ANKRD55: variants seen among roughly 807,000 people sequenced by gnomAD.
ANKRD55 encodes the protein ankyrin repeat domain 55, also known as ankyrin repeat domain-containing protein 55.
Under a neutral mutation model 60.6 loss-of-function variants are expected in ANKRD55, and 41 were observed. That is an observed-to-expected ratio of 0.68 (90% CI 0.53 to 0.88). The LOEUF (loss-of-function observed/expected upper bound fraction) is 0.88, where lower values mean the gene tolerates loss of function less well. Ranked by LOEUF, ANKRD55 falls within the 40% of genes least tolerant of loss-of-function variation. ANKRD55 has a pLI of 0.00. For missense variants in ANKRD55, 732 were observed against 767.6 expected, an observed-to-expected ratio of 0.95 and a Z score of 0.55; for synonymous variants, 264 against 290.3, an observed-to-expected ratio of 0.91 and a Z score of 0.92.
At chr5:56,176,888 C>A (rs1278328307) in intron 3 of ANKRD55, among the ~76,000 whole-genome samples, 1 of 152,162 alleles carries the variant, frequency 6.6e-6, no homozygotes, top group Non-Finnish European at 1.5e-5. Flanking sequence ...AACAAGCCAG[C>A]CTCATGAAGC....
chr5:56,147,855 T>C (rs1757937313), intron 6 of ANKRD55, among the ~76,000 whole-genome samples: 1 of 152,330 alleles, frequency 6.6e-6, no homozygotes, highest in African/African-American at 2.4e-5. Context: ...TTTAGGAACA[T>C]TTTCCTACAA....
intron 2 of ANKRD55, among the ~76,000 whole-genome samples, chr5:56,213,682 A>T (rs1040471952): frequency 6.6e-6 from 1 of 152,232 alleles, no homozygotes; most frequent in Non-Finnish European, 1.5e-5. Flanking sequence ...GGAAGTAAAC[A>T]GATAGGCTGG....
chr5:56,131,914 G>C (rs1235012949), intron 7 of ANKRD55, among the ~76,000 whole-genome samples: 1 of 150,710 alleles, frequency 6.6e-6, no homozygotes, highest in East Asian at 1.9e-4. Context: ...AATAAGTGAA[G>C]GTAAAATAAA....
chr5:56,172,100 C>T (rs915000539), intron 4 of ANKRD55, among the ~76,000 whole-genome samples: 2 of 137,362 alleles, frequency 1.5e-5, no homozygotes, highest in South Asian at 4.5e-4. Context: ...ACCTGGGCGA[C>T]AGAACGAGAC....
intron 10 of ANKRD55, among the ~76,000 whole-genome samples, chr5:56,109,038 A>AACAC (rs60023559): frequency 0.18 from 26,070 of 143,626 alleles, 2,435 homozygotes; most frequent in Middle Eastern, 0.31. Flanking sequence ...TCTGTCTCAA[A>AACAC]ACACACACAC....
At chr5:56,180,049 C>G (rs1325494348) in intron 3 of ANKRD55, among the ~76,000 whole-genome samples, 1 of 152,038 alleles carries the variant, frequency 6.6e-6, no homozygotes, top group African/African-American at 2.4e-5. Flanking sequence ...GGTTGAGGGG[C>G]CATATTGGGT....
At chr5:56,103,815 G>C (rs1477942354) in intron 10 of ANKRD55, among the ~76,000 whole-genome samples, 1 of 152,178 alleles carries the variant, frequency 6.6e-6, no homozygotes, top group Non-Finnish European at 1.5e-5. Flanking sequence ...AGGGTCTTCT[G>C]TTGGAGCAAA....
chr5:56,228,612 A>G (rs1243251071), intron 2 of ANKRD55, among the ~76,000 whole-genome samples: 2 of 151,928 alleles, frequency 1.3e-5, no homozygotes, highest in African/African-American at 4.8e-5. Flanking sequence ...TTTACTAGAG[A>G]CAGGGTTTCA....
intron 11 of ANKRD55, 143 bp from the exon 12 acceptor site, chr5:56,100,447 T>C: frequency 1.1e-6 from 1 of 938,098 alleles, no homozygotes. Context: ...AGAGAAGCTG[T>C]GTATGTATAT....
chr5:56,173,521 A>G (rs2111817661), intron 4 of ANKRD55, among the ~76,000 whole-genome samples: 1 of 139,744 alleles, frequency 7.2e-6, no homozygotes, highest in South Asian at 2.4e-4. Flanking sequence ...ATCAAATAAT[A>G]CGTTAAATGT....
chr5:56,205,250 G>A (rs62362395), intron 2 of ANKRD55, among the ~76,000 whole-genome samples: 2 of 152,024 alleles, frequency 1.3e-5, no homozygotes, highest in African/African-American at 4.8e-5. Context: ...TAGTAGAGAT[G>A]GGGTTTCACC....
intron 5 of ANKRD55, among the ~76,000 whole-genome samples, chr5:56,160,486 G>A (rs149822504): frequency 1.2e-4 from 18 of 152,222 alleles, no homozygotes; most frequent in African/African-American, 3.4e-4. Context: ...TGGTCCGCCC[G>A]CCTAAGCCTC....
In ANKRD55 at chr5:56,178,663, G is replaced by A. The variant is rs185491812; in HGVS notation, c.182-2381C>T. 5.4e-3 allele frequency among the ~76,000 whole-genome samples: 823 copies of A among 152,104 alleles called. 6 individuals are homozygous for A. The highest frequency in any genetic ancestry group is 8.8e-3 in the Non-Finnish European group (596 of 68,004). On this transcript the variant is annotated intron_variant, in intron 3 of 11. Coordinates refer to ENST00000341048, the MANE Select transcript of ANKRD55 (RefSeq NM_024669.3). ...CTTAGGAATAAATCTAACCAAAGAAGAGCAAGACTTATGTGGATAAGAAGT... is the reference window on the plus strand; with the variant it reads ...CTTAGGAATAAATCTAACCAAAGAAAAGCAAGACTTATGTGGATAAGAAGT...
chr5:56,159,054 C>T (rs978003202), intron 6 of ANKRD55, among the ~76,000 whole-genome samples: 1 of 152,036 alleles, frequency 6.6e-6, no homozygotes, highest in Non-Finnish European at 1.5e-5. Context: ...ACTTTGTTGC[C>T]AGGCTGGACT....
At chr5:56,192,324 A>C (rs1178971198) in intron 2 of ANKRD55, among the ~76,000 whole-genome samples, 1 of 152,268 alleles carries the variant, frequency 6.6e-6, no homozygotes, top group Non-Finnish European at 1.5e-5. Context: ...AGAAATAGGA[A>C]GAAAGAAGCA....
chr5:56,162,604 G>A (rs189644123), intron 5 of ANKRD55, among the ~76,000 whole-genome samples: 1 of 152,034 alleles, frequency 6.6e-6, no homozygotes, highest in East Asian at 1.9e-4. Flanking sequence ...CTGCTCTTTT[G>A]GGGAAAGTGG....
In ANKRD55 at chr5:56,135,258, CCTTCTT is replaced by C. The variant is rs1306395172; in HGVS notation, c.613-8158_613-8153del. On this transcript the variant is annotated intron_variant, in intron 7 of 11. Transcript: ENST00000341048. Reference sequence around the variant, plus strand: ...TCCTTCCTTCCTTCCTTCCTTCCTTCCTTCTTTCCCTCCCTCCCTCCCTGCCTGCCT... The same window carrying C: ...TCCTTCCTTCCTTCCTTCCTTCCTTCTCCCTCCCTCCCTCCCTGCCTGCCT... 3.5e-4 allele frequency among the ~76,000 whole-genome samples: 44 copies of C among 127,160 alleles called. 2 individuals are homozygous for C. The highest frequency in any genetic ancestry group is 1.2e-3 in the East Asian group (5 of 4,340). The allele number at this position is 127,160 out of a possible 152,430, so 83.4% of individuals were successfully genotyped here. A position where few individuals can be genotyped will look rare whatever the true frequency, so the allele number is the denominator to read the frequency against.
intron 7 of ANKRD55, chr5:56,137,586 A>T (rs1364877984): frequency 3.1e-6 from 2 of 654,288 alleles, no homozygotes; most frequent in Non-Finnish European, 5.4e-6. Context: ...AAAGAATTCC[A>T]GGAGATAACA....
intron 9 of ANKRD55, 86 bp from the exon 10 acceptor site, chr5:56,111,868 A>C: frequency 7.9e-7 from 1 of 1,272,660 alleles, no homozygotes. Context: ...CCTATTCCAC[A>C]TGCTTCATCA....
Sources: gnomAD v4.1 joint callset for allele counts (sites outside exome capture counted in the v4.1 genomes callset) on GRCh38, gnomAD v4.1.1 for gene constraint, MANE v1.5 for transcripts, NCBI Gene and HGNC (gene_info 2026-07-23, HGNC 2026-07-21) for gene names.